RCAN2: variants seen among roughly 807,000 people sequenced by gnomAD.
RCAN2 encodes the protein calcipressin-2.
Under a neutral mutation model 23.6 loss-of-function variants are expected in RCAN2, and 9 were observed. The observed-to-expected ratio is 0.38, with a 90% confidence interval of 0.23 to 0.67. The LOEUF (loss-of-function observed/expected upper bound fraction) is 0.67, where lower values mean the gene tolerates loss of function less well. Ranked by LOEUF, RCAN2 falls within the 30% of genes least tolerant of loss-of-function variation. The pLI, the probability that RCAN2 is intolerant of heterozygous loss-of-function variation, is 0.51. For missense variants in RCAN2, 273 were observed against 302.3 expected, an observed-to-expected ratio of 0.90 and a Z score of 0.72; for synonymous variants, 109 against 115.7, an observed-to-expected ratio of 0.94 and a Z score of 0.37.
At chr6:46,293,516 GAC>G (rs1332395757) in intron 2 of RCAN2, among the ~76,000 whole-genome samples, 4 of 152,076 alleles carry the variant, frequency 2.6e-5, no homozygotes, top group Non-Finnish European at 5.9e-5. Flanking sequence ...ACATATGAAG[GAC>G]CAGAACATAT....
rs551657895 is a variant in RCAN2 at position 46,336,383 on chromosome 6, G to A, written c.226-87487C>T. 3.3e-5 allele frequency among the ~76,000 whole-genome samples: 5 copies of A among 152,318 alleles called. No homozygotes were observed. In the South Asian group the frequency reaches 8.3e-4, roughly 25 times the overall value. ...AAGTCTTATCTCTAAGGGGAAGATG[G>A]TGCCAAGGACAAGGGAAAGTTCCTT... On this transcript the variant is annotated intron_variant, in intron 2 of 4. Coordinates refer to ENST00000371374, the MANE Select transcript of RCAN2 (RefSeq NM_001251974.2).
chr6:46,456,709 G>T, intron 2 of RCAN2, 43 bp downstream of exon 2: 1 of 1,352,004 alleles, frequency 7.4e-7, no homozygotes, highest in Non-Finnish European at 1.0e-6. Flanking sequence ...TGGAGATAAT[G>T]CCATATCTCC....
intron 2 of RCAN2, among the ~76,000 whole-genome samples, chr6:46,306,406 C>G (rs1359594812): frequency 2.6e-5 from 4 of 152,226 alleles, no homozygotes; most frequent in South Asian, 2.1e-4. Context: ...GAGGGTGATA[C>G]CATCTAACTC....
At chr6:46,239,871 C>A (rs1562098166) in intron 4 of RCAN2, among the ~76,000 whole-genome samples, 5 of 151,812 alleles carry the variant, frequency 3.3e-5, no homozygotes, top group Non-Finnish European at 4.4e-5. Flanking sequence ...CATTTAGGAC[C>A]CAAAGTACTT....
intron 2 of RCAN2, among the ~76,000 whole-genome samples, chr6:46,436,927 AG>A (rs1374526449): frequency 6.6e-6 from 1 of 152,184 alleles, no homozygotes; most frequent in Non-Finnish European, 1.5e-5. Flanking sequence ...CTCAAAAGAA[AG>A]TTCAGCCTTC....
chr6:46,252,724 C>T (rs548135062), intron 2 of RCAN2, among the ~76,000 whole-genome samples: 2 of 152,206 alleles, frequency 1.3e-5, no homozygotes, highest in South Asian at 2.1e-4. Flanking sequence ...TTTTTGCAAA[C>T]CTATTTAATT....
chr6:46,302,695 G>T (rs1337611815), intron 2 of RCAN2, among the ~76,000 whole-genome samples: 1 of 151,940 alleles, frequency 6.6e-6, no homozygotes, highest in Non-Finnish European at 1.5e-5. Flanking sequence ...TGAAACTTGG[G>T]GCATTGATGG....
intron 2 of RCAN2, among the ~76,000 whole-genome samples, chr6:46,360,698 C>T (rs959451517): frequency 6.6e-6 from 1 of 152,102 alleles, no homozygotes; most frequent in South Asian, 2.1e-4. Flanking sequence ...CAAGTGGATA[C>T]GTTCTGCTTT....
chr6:46,380,194 C>G (rs1441228954), intron 2 of RCAN2, among the ~76,000 whole-genome samples: 2 of 152,108 alleles, frequency 1.3e-5, no homozygotes, highest in Non-Finnish European at 2.9e-5. Flanking sequence ...AAACACACCC[C>G]CCTCAGAAAG....
At chr6:46,269,026 T>G (rs943776634) in intron 2 of RCAN2, among the ~76,000 whole-genome samples, 2 of 152,204 alleles carry the variant, frequency 1.3e-5, no homozygotes, top group Non-Finnish European at 2.9e-5. Flanking sequence ...TACTATCTGG[T>G]TCTTCACAGA....
At chr6:46,403,911 G>A (rs1315904903) in intron 2 of RCAN2, among the ~76,000 whole-genome samples, 2 of 152,164 alleles carry the variant, frequency 1.3e-5, no homozygotes, top group East Asian at 3.9e-4. Context: ...AAGAGGTGGG[G>A]TGGAAAGGTG....
chr6:46,270,391 T>C (rs1767484212), intron 2 of RCAN2, among the ~76,000 whole-genome samples: 1 of 152,188 alleles, frequency 6.6e-6, no homozygotes, highest in South Asian at 2.1e-4. Context: ...CAGACCACCC[T>C]CTCATTGCTG....
intron 2 of RCAN2, among the ~76,000 whole-genome samples, chr6:46,386,610 C>CAAAAAAA (rs142110760): frequency 2.2e-5 from 2 of 91,614 alleles, no homozygotes; most frequent in Non-Finnish European, 3.7e-5. Context: ...CTCTGTCTCA[C>CAAAAAAA]AAAAAAAAAA....
chr6:46,376,525 CA>C (rs1765464326), intron 2 of RCAN2, among the ~76,000 whole-genome samples: 1 of 152,014 alleles, frequency 6.6e-6, no homozygotes, highest in South Asian at 2.1e-4. Flanking sequence ...ACTAAAAATA[CA>C]AAAATTAGTC....
intron 2 of RCAN2, among the ~76,000 whole-genome samples, chr6:46,451,221 C>T (rs1767873823): frequency 6.6e-6 from 1 of 151,982 alleles, no homozygotes; most frequent in Non-Finnish European, 1.5e-5. Context: ...GATCTACAAC[C>T]TACTGTCTGA....
At chr6:46,336,444 A>T (rs1323610889) in intron 2 of RCAN2, among the ~76,000 whole-genome samples, 1 of 152,212 alleles carries the variant, frequency 6.6e-6, no homozygotes, top group African/African-American at 2.4e-5. Flanking sequence ...GAAAAAGATC[A>T]AGAAAGGCTT....
intron 1 of RCAN2, among the ~76,000 whole-genome samples, chr6:46,458,082 G>A (rs1287939858): frequency 6.6e-6 from 1 of 152,200 alleles, no homozygotes; most frequent in Non-Finnish European, 1.5e-5. Context: ...ACGCAAGTAA[G>A]ACTGACTGAA....
At chr6:46,397,417 G>A (rs896540234) in intron 2 of RCAN2, among the ~76,000 whole-genome samples, 1 of 150,014 alleles carries the variant, frequency 6.7e-6, no homozygotes, top group African/African-American at 2.5e-5. Context: ...CACAGTGACT[G>A]TAAAAGTTGG....
intron 2 of RCAN2, among the ~76,000 whole-genome samples, chr6:46,444,549 C>T (rs1157279495): frequency 1.3e-5 from 2 of 151,834 alleles, no homozygotes; most frequent in Admixed American, 1.3e-4. Flanking sequence ...GGTCAGCCCA[C>T]AAAGTCCCAG....
Sources: gnomAD v4.1 joint callset for allele counts (sites outside exome capture counted in the v4.1 genomes callset) on GRCh38, gnomAD v4.1.1 for gene constraint, MANE v1.5 for transcripts, NCBI Gene and HGNC (gene_info 2026-07-23, HGNC 2026-07-21) for gene names.